Variants in COX7B2 observed in about 807,000 individuals in gnomAD.
COX7B2 encodes the protein cytochrome c oxidase subunit 7B2, also known as cytochrome c oxidase subunit 7B2, mitochondrial.
For synonymous variants in COX7B2, 37 were observed against 32.1 expected (o/e 1.15, Z -0.51); for missense variants, 109 against 95.9 (o/e 1.14, Z -0.57).
Position 46,900,617 on chromosome 4 carries a change from A to T in COX7B2, c.-105+8543T>A, listed in dbSNP as rs181744594. 2.9e-3 allele frequency among the ~76,000 whole-genome samples: 438 copies of T among 152,310 alleles called. 4 individuals carry two copies. The highest frequency in any genetic ancestry group is 6.8e-3 in the Middle Eastern group (2 of 294). The stretch of plus-strand genomic sequence containing the variant: ...GATTTGAATGTTTGTGTTCCCCCCA[A>T]AATTCATTTGTTGACATTCTAACCC... On this transcript the variant is annotated intron_variant, in intron 1 of 2. Coordinates refer to ENST00000355591, the MANE Select transcript of COX7B2 (RefSeq NM_130902.3).
intron 1 of COX7B2, among the ~76,000 whole-genome samples, chr4:46,886,177 C>A (rs1719072951): frequency 6.6e-6 from 1 of 152,136 alleles, no homozygotes; most frequent in South Asian, 2.1e-4. Context: ...AAAAATGACT[C>A]ATTCAGATTC....
chr4:46,781,941 AT>A (rs1717482327), intron 2 of COX7B2, among the ~76,000 whole-genome samples: 1 of 152,034 alleles, frequency 6.6e-6, no homozygotes, highest in Non-Finnish European at 1.5e-5. Flanking sequence ...AGCACCCCCC[AT>A]CCCGCCCGGA....
intron 1 of COX7B2, among the ~76,000 whole-genome samples, chr4:46,897,118 C>T (rs1481112356): frequency 6.6e-6 from 1 of 152,100 alleles, no homozygotes; most frequent in Non-Finnish European, 1.5e-5. Flanking sequence ...CCCAAATGTC[C>T]TATGTTAGCC....
At chr4:46,825,315 C>G (rs1034851477) in intron 2 of COX7B2, among the ~76,000 whole-genome samples, 2 of 151,936 alleles carry the variant, frequency 1.3e-5, no homozygotes, top group African/African-American at 4.8e-5. Context: ...CCTAGGAATA[C>G]AGCTAACTAG....
intron 2 of COX7B2, among the ~76,000 whole-genome samples, chr4:46,747,474 T>C (rs1392247096): frequency 4.6e-5 from 7 of 151,854 alleles, no homozygotes; most frequent in African/African-American, 1.5e-4. Context: ...TGGCTAATTT[T>C]TGTATTTTTA....
intron 1 of COX7B2, among the ~76,000 whole-genome samples, chr4:46,871,585 A>T (rs966303841): frequency 2.6e-5 from 4 of 152,138 alleles, no homozygotes; most frequent in African/African-American, 9.7e-5. Context: ...CAAACTATGC[A>T]TCTGACAAAG....
At chr4:46,738,495 G>A (rs762782381) in intron 2 of COX7B2, among the ~76,000 whole-genome samples, 5 of 151,508 alleles carry the variant, frequency 3.3e-5, no homozygotes, top group Non-Finnish European at 4.4e-5. Context: ...TTTCCTTGTC[G>A]GCATCAGCTA....
intron 2 of COX7B2, among the ~76,000 whole-genome samples, chr4:46,748,018 A>AG (rs1715126921): frequency 6.6e-6 from 1 of 152,226 alleles, no homozygotes; most frequent in Admixed American, 6.5e-5. Flanking sequence ...TCTAAAGTGG[A>AG]GCCATTTATA....
intron 1 of COX7B2, among the ~76,000 whole-genome samples, chr4:46,873,845 G>A (rs376986933): frequency 4.0e-5 from 6 of 151,874 alleles, no homozygotes; most frequent in Admixed American, 6.6e-5. Flanking sequence ...GACAGGACCC[G>A]GTGTGTGATG....
chr4:46,785,416 C>T (rs1441246663), intron 2 of COX7B2, among the ~76,000 whole-genome samples: 1 of 151,244 alleles, frequency 6.6e-6, no homozygotes, highest in African/African-American at 2.4e-5. Context: ...CTCTGTCACC[C>T]AGACTGGAGT....
chr4:46,762,459 T>C (rs2109480018), intron 2 of COX7B2, among the ~76,000 whole-genome samples: 1 of 137,846 alleles, frequency 7.3e-6, no homozygotes, highest in East Asian at 2.0e-4. Flanking sequence ...ATACTATATA[T>C]AGTATATGTA....
At position 46,880,993 on chromosome 4, in the gene COX7B2, T is replaced by TAAA. The variant is rs1215385422; in HGVS notation, c.-105+28164_-105+28166dup. Among the ~76,000 whole-genome samples the TAAA allele has an allele frequency of 8.7e-3, 894 of 102,810 alleles. 24 individuals carry two copies. The highest frequency in any genetic ancestry group is 0.034 in the East Asian group (103 of 3,062). 67.4% of individuals were successfully genotyped at this position (102,810 alleles called of 152,430 possible). A position where few individuals can be genotyped will look rare whatever the true frequency, so the allele number is the denominator to read the frequency against. On this transcript the variant is annotated intron_variant, in intron 1 of 2. Coordinates refer to ENST00000355591, the MANE Select transcript of COX7B2 (RefSeq NM_130902.3). Reference sequence around the variant, plus strand: ...ATGTACCCTAAAACTTAGAGTATAATAAAAAAAAAAAAAAAAAACTCTTGG... The same window carrying TAAA: ...ATGTACCCTAAAACTTAGAGTATAATAAAAAAAAAAAAAAAAAAAAACTCTTGG...
intron 1 of COX7B2, among the ~76,000 whole-genome samples, chr4:46,875,663 A>G (rs1455330399): frequency 6.6e-6 from 1 of 151,970 alleles, no homozygotes; most frequent in Non-Finnish European, 1.5e-5. Context: ...ACAGCATCCC[A>G]TTTTAGTTAT....
intron 1 of COX7B2, among the ~76,000 whole-genome samples, chr4:46,902,124 A>G (rs1346192962): frequency 6.6e-6 from 1 of 152,152 alleles, no homozygotes; most frequent in Non-Finnish European, 1.5e-5. Flanking sequence ...CCAATATTAT[A>G]CAGATCTTCC....
chr4:46,782,833 C>A (rs1220044587), intron 2 of COX7B2, among the ~76,000 whole-genome samples: 1 of 152,126 alleles, frequency 6.6e-6, no homozygotes, highest in African/African-American at 2.4e-5. Flanking sequence ...GACCACGAAC[C>A]CACCAGAAGG....
intron 1 of COX7B2, among the ~76,000 whole-genome samples, chr4:46,893,079 T>G (rs1719536495): frequency 6.6e-6 from 1 of 152,166 alleles, no homozygotes; most frequent in African/African-American, 2.4e-5. Flanking sequence ...CTTTATAAAT[T>G]ACCCAGTCTC....
chr4:46,793,008 G>T (rs1237746263), intron 2 of COX7B2, among the ~76,000 whole-genome samples: 1 of 152,186 alleles, frequency 6.6e-6, no homozygotes, highest in Middle Eastern at 3.2e-3. Context: ...AAGAATTAAA[G>T]AAGAAAGAAA....
At chr4:46,863,503 T>G (rs935021844) in intron 1 of COX7B2, among the ~76,000 whole-genome samples, 4 of 152,208 alleles carry the variant, frequency 2.6e-5, no homozygotes, top group Non-Finnish European at 5.9e-5. Context: ...TAGTCGCCCA[T>G]GTTAAAGCAA....
chr4:46,829,942 G>A (rs1337694042), intron 2 of COX7B2, among the ~76,000 whole-genome samples: 1 of 152,140 alleles, frequency 6.6e-6, no homozygotes, highest in African/African-American at 2.4e-5. Flanking sequence ...TGGAGAATGT[G>A]AAGAAATAAT....
Sources: allele counts gnomAD v4.1 joint callset (sites outside exome capture counted in the v4.1 genomes callset), GRCh38; gene constraint gnomAD v4.1.1; transcripts MANE v1.5; gene names NCBI Gene and HGNC (gene_info 2026-07-23, HGNC 2026-07-21).